The following HSPG2 variants were observed in gnomAD, a reference collection of about 807,000 sequenced individuals.
HSPG2 encodes the protein basement membrane-specific heparan sulfate proteoglycan core protein.
HSPG2 carries 278 observed loss-of-function variants against 526.6 expected under a neutral mutation model. The ratio of observed to expected loss-of-function variants is 0.53; its 90% CI spans 0.48 to 0.58. The LOEUF is 0.58. Among genes scored for constraint, HSPG2 ranks in the 20% least tolerant of loss-of-function variants. HSPG2 has a pLI of 0.00. For synonymous variants in HSPG2, 2,465 were observed against 2,555.4 expected, an observed-to-expected ratio of 0.96 and a Z score of 1.07; for missense variants, 5,354 against 6,099.5, an observed-to-expected ratio of 0.88 and a Z score of 4.07.
rs780888495 is a variant in HSPG2, at chr1:21,880,260, G to A, written c.2196-6C>T. The A allele has an allele frequency of 1.2e-5, 19 of 1,614,018 alleles. No homozygotes were observed. The East Asian group carries it at 4.0e-4, about 34-fold the overall frequency. On this transcript the variant is annotated splice_polypyrimidine_tract_variant and splice_region_variant and intron_variant, in intron 16 of 96. Transcript: ENST00000374695. ...CAGAATAGCCAATGGGGCATCTGTG[G>A]GGACAGGACCAAAAGAGTCGCTGCA...
intron 42 of HSPG2, among the ~76,000 whole-genome samples, chr1:21,857,717 C>CAA (rs1639453635): frequency 1.3e-5 from 2 of 152,114 alleles, no homozygotes; most frequent in African/African-American, 4.8e-5. Context: ...TTCTATCCCC[C>CAA]AAAAACAACT....
chr1:21,855,587 C>T lies in HSPG2; in HGVS notation c.5790G>A (p.Gln1930=), dbSNP rs749745640. The change falls in exon 46 of 97, where the codon CAG becomes CAA. Residue 1930 remains glutamine, a synonymous_variant. Coordinates refer to ENST00000374695, the MANE Select transcript of HSPG2 (RefSeq NM_005529.7). ...LPAVEPTDQA[Q]YLCRAHSSAG... Reference sequence around the variant, plus strand: ...CGCTGCTGTGGGCTCGGCACAAGTACTGGGCCTGATCCGTGGGCTCGACAG... The same window carrying T: ...CGCTGCTGTGGGCTCGGCACAAGTATTGGGCCTGATCCGTGGGCTCGACAG... 1.3e-6 allele frequency: 2 copies of T among 1,591,970 alleles called. No individual in the cohort carries two copies. Among genetic ancestry groups the T allele is most frequent in the East Asian group, 2.3e-5 (1 of 44,104 alleles).
intron 33 of HSPG2, among the ~76,000 whole-genome samples, chr1:21,866,419 C>T (rs1169179335): frequency 6.6e-6 from 1 of 152,218 alleles, no homozygotes; most frequent in Non-Finnish European, 1.5e-5. Context: ...TACCACTGCC[C>T]TTTGCCACCC....
chr1:21,909,337 C>G (rs1351257452), intron 1 of HSPG2, among the ~76,000 whole-genome samples: 1 of 152,098 alleles, frequency 6.6e-6, no homozygotes, highest in Non-Finnish European at 1.5e-5. Flanking sequence ...GCAGATGGAG[C>G]CTGGAGTGAG....
At chr1:21,845,426 T>G (rs972114955) in intron 64 of HSPG2, among the ~76,000 whole-genome samples, 3 of 152,138 alleles carry the variant, frequency 2.0e-5, no homozygotes, top group Non-Finnish European at 4.4e-5. Flanking sequence ...TTGCCCAGGC[T>G]GGAGTGCAGT....
rs1300054616 is a variant in HSPG2, at chr1:21,855,568, T to C, written c.5809A>G (p.Ser1937Gly). ...CTGGCCACCTGCTGCCCAGCGCTGC[T>C]GTGGGCTCGGCACAAGTACTGGGCC... is the stretch of plus-strand genomic sequence containing the variant. Reference protein sequence around the residue: ...DQAQYLCRAHSSAGQQVARAV... With the variant: ...DQAQYLCRAHGSAGQQVARAV... Residue 1937 changes from serine to glycine, a missense_variant, in exon 46 of 97, where the codon AGC becomes GGC. Coordinates refer to ENST00000374695, the MANE Select transcript of HSPG2 (RefSeq NM_005529.7). 6 of 1,599,668 alleles carry C rather than the reference T, an allele frequency of 3.8e-6. No individual in the cohort carries two copies. Among genetic ancestry groups the C allele is most frequent in the Non-Finnish European group, 5.1e-6 (6 of 1,174,810 alleles).
rs1572369628 is a variant in HSPG2, at chr1:21,887,787, C to T, written c.704-113G>A. ...ACTCCCCAACACCACTCCCTGCCAC[C>T]CCCTGCCTGGCTCTGTCATCACCCT... On this transcript the variant is annotated intron_variant, in intron 7 of 96. Transcript: ENST00000374695. This position sits in a 1 kb window ranked among gnomAD's most constrained non-coding sequence, Gnocchi z 5.0. The T allele has an allele frequency of 2.6e-6, 4 of 1,557,776 alleles. No individual in the cohort carries two copies. The highest frequency in any genetic ancestry group is 3.3e-5 in the Admixed American group (2 of 59,838).
intron 3 of HSPG2, among the ~76,000 whole-genome samples, chr1:21,892,297 T>C (rs541954238): frequency 9.9e-5 from 15 of 152,194 alleles, no homozygotes; most frequent in Non-Finnish European, 2.1e-4. Flanking sequence ...CAGAGGCCCA[T>C]TGAGAGTCCC....
At chr1:21,849,404 C>G (rs1638706730) in intron 57 of HSPG2, among the ~76,000 whole-genome samples, 1 of 152,190 alleles carries the variant, frequency 6.6e-6, no homozygotes, top group Non-Finnish European at 1.5e-5. Flanking sequence ...AAGGGGGACT[C>G]TTGTCCAGCA....
chr1:21,831,041 C>T lies in HSPG2; in HGVS notation c.11612G>A (p.Cys3871Tyr). 1 of 1,591,492 alleles carries T rather than the reference C, an allele frequency of 6.3e-7. No individual in the cohort carries two copies. Among genetic ancestry groups the T allele is most frequent in the Non-Finnish European group, 8.6e-7 (1 of 1,169,304 alleles). ...DSESSSYVCV[C>Y]PAGFTGSRCE... The stretch of plus-strand genomic sequence containing the variant: ...GCGGCTCCCGGTGAAGCCAGCTGGG[C>T]AGACGCACACGTAGCTGCTGCTCTC... The change falls in exon 85 of 97, where the codon TGC becomes TAC. Residue 3871 changes from cysteine (C) to tyrosine (Y), a missense_variant. Transcript: ENST00000374695.
intron 29 of HSPG2, 73 bp downstream of exon 29, chr1:21,873,852 G>T: frequency 7.6e-7 from 1 of 1,319,868 alleles, no homozygotes; most frequent in Non-Finnish European, 1.1e-6. Flanking sequence ...GGTTGGGAGC[G>T]CTGGGCCCTG....
Position 21,853,042 on chromosome 1 carries a change from G to A in HSPG2, c.6468C>T (p.Ile2156=), listed in dbSNP as rs369970075. ...PVPGSTRPIR[I]EPSSSHVAEG... ...CCGCCACGTGTGAGGAGGAGGGCTCGATGCGGATGGGCCGGGTGCTGCCGG... is the reference window on the plus strand; with the variant it reads ...CCGCCACGTGTGAGGAGGAGGGCTCAATGCGGATGGGCCGGGTGCTGCCGG... The change falls in exon 51 of 97, where the codon ATC becomes ATT. Residue 2156 remains isoleucine (I), a synonymous_variant. Transcript: ENST00000374695. 9.6e-5 allele frequency: 155 copies of A among 1,613,808 alleles called. No individual in the cohort carries two copies. The highest frequency in any genetic ancestry group is 2.3e-5 in the Non-Finnish European group (27 of 1,179,962).
rs777069767 is a variant in HSPG2 at position 21,852,990 on chromosome 1, C to G, written c.6520G>C (p.Val2174Leu). ...AEGQTLDLNC[V>L]VPGQAHAQVT... is the part of the protein sequence containing the mutation. ...TGGGCGTGGGCCTGCCCGGGCACCA[C>G]GCAGTTCAGATCCAGGGTCTGCCCT... The change falls in exon 51 of 97, where the codon GTG becomes CTG. Residue 2174 changes from valine to leucine, a missense_variant. Coordinates refer to ENST00000374695, the MANE Select transcript of HSPG2 (RefSeq NM_005529.7). The G allele has an allele frequency of 6.2e-7, 1 of 1,613,620 alleles. No individual in the cohort carries two copies. Among genetic ancestry groups the G allele is most frequent in the Non-Finnish European group, 8.5e-7 (1 of 1,179,930 alleles).
At position 21,852,117 on chromosome 1, in the gene HSPG2, G is replaced by A. The variant is rs1052887133; in HGVS notation, c.6841C>T (p.Arg2281Cys). The A allele has an allele frequency of 8.7e-6, 14 of 1,613,622 alleles. No homozygotes were observed. The highest frequency in any genetic ancestry group is 2.2e-5 in the East Asian group (1 of 44,876). ...TGCCGGGCAGGGAGGCTGCCCCCAC[G>A]CTTGTACCATGTGACCTGGGCGTGG... is the stretch of plus-strand genomic sequence containing the variant. ...QAHAQVTWYK[R>C]GGSLPARHQV... The change falls in exon 53 of 97, where the codon CGT (arginine) becomes TGT (cysteine). Residue 2281 changes from arginine to cysteine, a missense_variant. By Grantham distance (180) the Arg-to-Cys change is radical (BLOSUM62 -3). Transcript: ENST00000374695.
At chr1:21,825,178 G>C (rs1000087359) in intron 91 of HSPG2, 24 of 289,416 alleles carry the variant, frequency 8.3e-5, no homozygotes, top group Middle Eastern at 1.2e-3. Context: ...CTTGTTATTT[G>C]ATGTGTTAAT....
intron 74 of HSPG2, among the ~76,000 whole-genome samples, chr1:21,837,706 CG>C (rs904451432): frequency 9.2e-5 from 14 of 152,106 alleles, no homozygotes; most frequent in Non-Finnish European, 1.5e-4. Flanking sequence ...AGATGGGAGG[CG>C]GGGGCTGATG....
At position 21,887,436 on chromosome 1, in the gene HSPG2, G is replaced by A. The variant is rs568588231; in HGVS notation, c.942C>T (p.Ser314=). 2.5e-5 allele frequency: 41 copies of A among 1,613,920 alleles called. No individual in the cohort carries two copies. In the East Asian group the frequency reaches 4.7e-4, roughly 18 times the overall value. Residue 314 remains serine, a synonymous_variant, in exon 8 of 97, where the codon AGC becomes AGT. Coordinates refer to ENST00000374695, the MANE Select transcript of HSPG2 (RefSeq NM_005529.7). The surrounding 1 kb of genome is among the most constrained non-coding windows in gnomAD (Gnocchi z 5.0). ...CDGQEDCEDG[S]DELDCGPPPP... is the part of the protein sequence containing the mutation. ...GGTGCGCACCACAGTCTAGCTCATCGCTGCCGTCCTCGCAGTCCTCCTGTC... is the reference window on the plus strand; with the variant it reads ...GGTGCGCACCACAGTCTAGCTCATCACTGCCGTCCTCGCAGTCCTCCTGTC...
At chr1:21,855,743 C>CCAGGAGAGT (rs767968361) in intron 45 of HSPG2, 44 bp downstream of exon 45, 6 of 1,609,016 alleles carry the variant, frequency 3.7e-6, no homozygotes, top group Non-Finnish European at 4.2e-6. Flanking sequence ...CCTCCCACAC[C>CCAGGAGAGT]CAGGAGAGTC....
At position 21,885,009 on chromosome 1, in the gene HSPG2, G is replaced by A. The variant is rs377281218; in HGVS notation, c.1355+4C>T. ...CACCCCACCACCTGGGCCCAGAGCC[G>A]CACCTGGGATGAGAGGGGATGTGGC... On this transcript the variant is annotated splice_donor_region_variant and intron_variant, in intron 11 of 96. Transcript: ENST00000374695. 1.7e-5 allele frequency: 28 copies of A among 1,613,686 alleles called. No homozygotes were observed. The highest frequency in any genetic ancestry group is 8.3e-5 in the Admixed American group (5 of 59,994).
Sources: allele counts gnomAD v4.1 joint callset (sites outside exome capture counted in the v4.1 genomes callset), GRCh38; gene constraint gnomAD v4.1.1; non-coding constraint Gnocchi (gnomAD v3.1); transcripts MANE v1.5; gene names NCBI Gene and HGNC (gene_info 2026-07-23, HGNC 2026-07-21).